Variants in RBBP8 observed in about 807,000 individuals in gnomAD.
RBBP8 encodes RB binding protein 8, endonuclease, also known as DNA endonuclease RBBP8.
In RBBP8, 88 loss-of-function variants were observed where a neutral mutation model predicts 108.3. That is an observed-to-expected ratio of 0.81 (90% CI 0.68 to 0.97). The LOEUF (loss-of-function observed/expected upper bound fraction) is 0.97. RBBP8 is among the 50% of genes least tolerant of loss of function. The probability of loss-of-function intolerance (pLI) is 0.00; values close to 1 mark genes in which losing one functional copy is unlikely to be tolerated. For synonymous variants in RBBP8, 332 were observed against 348.2 expected (o/e 0.95, Z 0.52); for missense variants, 1,023 against 1,049.0 (o/e 0.98, Z 0.34).
At chr18:22,978,246 G>C (rs1914630871) in intron 6 of RBBP8, among the ~76,000 whole-genome samples, 1 of 152,166 alleles carries the variant, frequency 6.6e-6, no homozygotes, top group Non-Finnish European at 1.5e-5. Context: ...AGTTTTGACA[G>C]GAGTTTAAGA....
intron 2 of RBBP8, among the ~76,000 whole-genome samples, chr18:22,940,465 C>T (rs1364725937): frequency 6.6e-6 from 1 of 151,450 alleles, no homozygotes; most frequent in Non-Finnish European, 1.5e-5. Flanking sequence ...GGACTACAAG[C>T]ACCCGCCACC....
At chr18:22,940,793 T>G (rs767511867) in intron 2 of RBBP8, among the ~76,000 whole-genome samples, 1 of 151,748 alleles carries the variant, frequency 6.6e-6, no homozygotes, top group Non-Finnish European at 1.5e-5. Context: ...ACTACAGGCA[T>G]GCACCACCGA....
chr18:22,956,716 CACTG>C (rs1283334797), intron 4 of RBBP8, among the ~76,000 whole-genome samples: 57 of 152,252 alleles, frequency 3.7e-4, no homozygotes, highest in African/African-American at 1.3e-3. Context: ...AATGGGAAAA[CACTG>C]AGATATTTCA....
chr18:23,022,652 A>AAAATAAAATAAAC lies in RBBP8; in HGVS notation c.2596+382_2596+383insAAATAAAATAAAC, dbSNP rs1555650126. Among the ~76,000 whole-genome samples, 2 of 21,990 alleles carry AAAATAAAATAAAC rather than the reference A, an allele frequency of 9.1e-5. 1 individual carries two copies. The allele number at this position is 21,990 out of a possible 152,430, so 14.4% of individuals were successfully genotyped here. A position where few individuals can be genotyped will look rare whatever the true frequency, so the allele number is the denominator to read the frequency against. ...TAAAATAAAATAAATAAAATACAAT[A>AAAATAAAATAAAC]TAAAATAAAATAAAATAAATAACTG... On this transcript the variant is annotated intron_variant, in intron 18 of 18. Transcript: ENST00000327155.
At chr18:22,965,114 TTC>T (rs1170894117) in intron 4 of RBBP8, among the ~76,000 whole-genome samples, 31 of 152,178 alleles carry the variant, frequency 2.0e-4, no homozygotes, top group African/African-American at 7.5e-4. Flanking sequence ...TACTGTATTC[TTC>T]ATAATTTGAT....
rs531608701 is a variant in RBBP8, at chr18:22,964,881, C to T, written c.249-3925C>T. On this transcript the variant is annotated intron_variant, in intron 4 of 18. Transcript: ENST00000327155. ...CATTCTCATTTTATAGTTTTCACAT[C>T]ATTTCTTACCTCTAGAATATAGTAT... 3.9e-5 allele frequency among the ~76,000 whole-genome samples: 6 copies of T among 151,906 alleles called. No individual in the cohort carries two copies. In the East Asian group the frequency reaches 7.8e-4, roughly 20 times the overall value.
intron 15 of RBBP8, among the ~76,000 whole-genome samples, chr18:23,003,239 C>G (rs2045977336): frequency 6.6e-6 from 1 of 152,334 alleles, no homozygotes; most frequent in African/African-American, 2.4e-5. Flanking sequence ...TTTCTGAGTA[C>G]TGTGAGATAC....
At chr18:22,982,528 T>C in intron 7 of RBBP8, 135 bp downstream of exon 7, 1 of 1,518,604 alleles carries the variant, frequency 6.6e-7, no homozygotes, top group Non-Finnish European at 8.9e-7. Flanking sequence ...TGAGTTTAAC[T>C]TCTATTTGTA....
chr18:23,014,417 T>C (rs1234722284), intron 16 of RBBP8, among the ~76,000 whole-genome samples: 1 of 152,180 alleles, frequency 6.6e-6, no homozygotes, highest in Non-Finnish European at 1.5e-5. Flanking sequence ...AAAACATTCA[T>C]GAGGCCAGGA....
chr18:22,996,808 GCAATATAGCAAGGC>G (rs1217936593), intron 13 of RBBP8, among the ~76,000 whole-genome samples: 1 of 152,160 alleles, frequency 6.6e-6, no homozygotes, highest in Non-Finnish European at 1.5e-5. Context: ...ACCAGCCTGG[GCAATATAGCAAGGC>G]CCTGTCTCTA....
In RBBP8 at chr18:23,022,650, AT is replaced by A. The variant is rs1280974031; in HGVS notation, c.2596+381del. On this transcript the variant is annotated intron_variant, in intron 18 of 18. Coordinates refer to ENST00000327155, the MANE Select transcript of RBBP8 (RefSeq NM_002894.3). Reference sequence around the variant, plus strand: ...AATAAAATAAAATAAATAAAATACAATATAAAATAAAATAAAATAAATAACT... The same window carrying A: ...AATAAAATAAAATAAATAAAATACAAATAAAATAAAATAAAATAAATAACT... 7.6e-3 allele frequency among the ~76,000 whole-genome samples: 252 copies of A among 33,266 alleles called. 11 individuals carry two copies. The highest frequency in any genetic ancestry group is 0.011 in the Non-Finnish European group (116 of 10,150). The allele number at this position is 33,266 out of a possible 152,430, so 21.8% of individuals were successfully genotyped here. A position where few individuals can be genotyped will look rare whatever the true frequency, so the allele number is the denominator to read the frequency against.
At chr18:23,012,926 C>T (rs1189431054) in intron 16 of RBBP8, among the ~76,000 whole-genome samples, 1 of 152,258 alleles carries the variant, frequency 6.6e-6, no homozygotes, top group East Asian at 1.9e-4. Flanking sequence ...AGCCAGTGCT[C>T]ATTTACCATT....
chr18:22,927,392 G>A (rs561663791), intron 3 of RBBP8, among the ~76,000 whole-genome samples: 1 of 152,264 alleles, frequency 6.6e-6, no homozygotes, highest in South Asian at 2.1e-4. Context: ...AGAAATAAAC[G>A]AAGAATTGGA....
intron 18 of RBBP8, among the ~76,000 whole-genome samples, chr18:23,023,062 C>CT (rs111634268): frequency 4.4e-4 from 65 of 146,514 alleles, no homozygotes; most frequent in Admixed American, 5.5e-4. Context: ...ATACCCAGCA[C>CT]TTTTTTTTTT....
intron 6 of RBBP8, among the ~76,000 whole-genome samples, chr18:22,980,963 G>GTGTTTTTT (rs1567975146): frequency 3.8e-5 from 1 of 26,498 alleles, no homozygotes; most frequent in Admixed American, 7.2e-4. Context: ...AGCCACTTAT[G>GTGTTTTTT]TCTTTTTTTT....
chr18:22,993,301 G>T lies in RBBP8; in HGVS notation c.1474G>T (p.Asp492Tyr), dbSNP rs775741219. The T allele has an allele frequency of 6.2e-7, 1 of 1,614,092 alleles. No homozygotes were observed. The highest frequency in any genetic ancestry group is 1.3e-5 in the African/African-American group (1 of 74,938). Reference sequence around the variant, plus strand: ...AGACTGTGTGATGGATAAACCTCTGGATCTGTCTGATCGATTTTCAGCTAT... The same window carrying T: ...AGACTGTGTGATGGATAAACCTCTGTATCTGTCTGATCGATTTTCAGCTAT... ...NGDCVMDKPL[D>Y]LSDRFSAIQR... is the part of the protein sequence containing the mutation. The change falls in exon 11 of 19, where the codon GAT (aspartate) becomes TAT (tyrosine). Residue 492 changes from aspartate (D) to tyrosine (Y), a missense_variant. By Grantham distance (160) the Asp-to-Tyr change is radical. Transcript: ENST00000327155.
intron 4 of RBBP8, among the ~76,000 whole-genome samples, chr18:22,966,548 G>A (rs1436572324): frequency 2.7e-5 from 4 of 147,944 alleles, no homozygotes; most frequent in Non-Finnish European, 5.9e-5. Flanking sequence ...AGACCAGCCT[G>A]GGCAACATAG....
chr18:22,976,402 T>G (rs1238728063), intron 6 of RBBP8, among the ~76,000 whole-genome samples: 1 of 152,126 alleles, frequency 6.6e-6, no homozygotes, highest in Admixed American at 6.5e-5. Flanking sequence ...AGATCCACAA[T>G]CTGTTACATA....
At chr18:22,945,225 G>A (rs1281074406) in intron 2 of RBBP8, among the ~76,000 whole-genome samples, 1 of 152,076 alleles carries the variant, frequency 6.6e-6, no homozygotes, top group African/African-American at 2.4e-5. Context: ...AGTAAATATT[G>A]AGGGCTTTTT....
Sources: allele counts gnomAD v4.1 joint callset (sites outside exome capture counted in the v4.1 genomes callset), GRCh38; gene constraint gnomAD v4.1.1; transcripts MANE v1.5; gene names NCBI Gene and HGNC (gene_info 2026-07-23, HGNC 2026-07-21).